Variants in DST observed in about 807,000 individuals in gnomAD.
The protein encoded by DST is dystonin, also known as bullous pemphigoid antigen.
A neutral mutation model predicts 875.2 loss-of-function variants in DST; 253 were observed. The observed-to-expected ratio is 0.29, with a 90% CI of 0.26 to 0.32. The LOEUF is 0.32. Among genes scored for constraint, DST ranks in the 10% least tolerant of loss-of-function variants. DST has a pLI of 1.00. For synonymous variants in DST, 3,124 were observed against 3,197.1 expected, an observed-to-expected ratio of 0.98 and a Z score of 0.77; for missense variants, 8,287 against 9,111.6, an observed-to-expected ratio of 0.91 and a Z score of 3.68.
chr6:56,870,318 G>A (rs1238574786), intron 3 of DST, among the ~76,000 whole-genome samples: 3 of 151,718 alleles, frequency 2.0e-5, no homozygotes, highest in Non-Finnish European at 4.4e-5. Context: ...CACAAGGGGA[G>A]GGACAATGAT....
chr6:56,851,153 C>T (rs1427064429), intron 4 of DST: 1 of 523,830 alleles, frequency 1.9e-6, no homozygotes, highest in Non-Finnish European at 3.4e-6. Flanking sequence ...TATTTCCTTG[C>T]ATTTCAAAGG....
chr6:56,609,374 A>T lies in DST; in HGVS notation c.5284-30T>A, dbSNP rs576868320. 1.6e-4 allele frequency: 241 copies of T among 1,499,944 alleles called. No homozygotes were observed. In the African/African-American group the frequency reaches 3.2e-3, roughly 20 times the overall value. 92.9% of individuals were successfully genotyped at this position (1,499,944 alleles called of 1,614,324 possible). A position where few individuals can be genotyped will look rare whatever the true frequency, so the allele number is the denominator to read the frequency against. The stretch of plus-strand genomic sequence containing the variant: ...AAGGAAAATGCAAAAATCTCAGGTC[A>T]CTCTGTTACACAAGGGTGGGCGGAG... On this transcript the variant is annotated intron_variant, in intron 39 of 103. Coordinates refer to ENST00000680361, the MANE Select transcript of DST (RefSeq NM_001374736.1).
chr6:56,482,021 G>A (rs1302495290), intron 90 of DST, 29 bp downstream of exon 90: 2 of 1,602,444 alleles, frequency 1.2e-6, no homozygotes, highest in Admixed American at 1.7e-5. Context: ...TTCTAATTTA[G>A]CTTTACATAG....
intron 35 of DST, 144 bp from the exon 36 acceptor site, chr6:56,624,772 T>C: frequency 1.5e-6 from 1 of 675,414 alleles, no homozygotes; most frequent in Admixed American, 2.3e-5. Flanking sequence ...AAGAATGAGC[T>C]TATTATTACT....
rs573264351 is a variant in DST at position 56,631,252 on chromosome 6, G to A, written c.4101C>T (p.Asn1367=). 1 of 1,613,886 alleles carries A rather than the reference G, an allele frequency of 6.2e-7. No homozygotes were observed. Among genetic ancestry groups the A allele is most frequent in the South Asian group, 1.1e-5 (1 of 91,056 alleles). Residue 1367 remains asparagine, a synonymous_variant, in exon 30 of 104, where the codon AAC becomes AAT. Transcript: ENST00000680361. ...LRSELNVVLQ[N]MNQVYSMSST... ...AAGACATAGAATAGACTTGGTTCAT[G>A]TTCTGAAGGACCACATTAAGCTCTG...
At chr6:56,854,029 A>G (rs1766628660) in intron 3 of DST, among the ~76,000 whole-genome samples, 1 of 152,190 alleles carries the variant, frequency 6.6e-6, no homozygotes, top group Non-Finnish European at 1.5e-5. Context: ...ATTTTTTCCC[A>G]CAAAAATTTT....
rs2096570326 is a variant in DST at position 56,515,469 on chromosome 6, T to C, written c.18557A>G (p.Gln6186Arg). The change falls in exon 72 of 104, where the codon CAG becomes CGG. Residue 6186 changes from glutamine to arginine, a missense_variant. Transcript: ENST00000680361. ...GCTTACCCGATGTTCTTCCTGCTGC[T>C]GCCTTAGAGTTTCATATTCAAGGGC... is the stretch of plus-strand genomic sequence containing the variant. Reference protein sequence around the residue: ...APALEYETLRQQQEEHRQLRE... With the variant: ...APALEYETLRRQQEEHRQLRE... 6.2e-7 allele frequency: 1 copy of C among 1,613,926 alleles called. No homozygotes were observed. The highest frequency in any genetic ancestry group is 8.5e-7 in the Non-Finnish European group (1 of 1,179,808).
intron 97 of DST, 52 bp downstream of exon 97, chr6:56,469,831 G>C: frequency 6.8e-7 from 1 of 1,470,352 alleles, no homozygotes; most frequent in Non-Finnish European, 9.5e-7. Context: ...ATTGTATACA[G>C]ATTTCAATTT....
intron 50 of DST, among the ~76,000 whole-genome samples, chr6:56,577,616 G>T (rs2152632554): frequency 6.6e-6 from 1 of 152,256 alleles, no homozygotes; most frequent in Non-Finnish European, 1.5e-5. Context: ...GATCTTAAAA[G>T]AGCTAAGTTC....
chr6:56,889,995 T>C (rs1297396828), intron 3 of DST, among the ~76,000 whole-genome samples: 1 of 152,212 alleles, frequency 6.6e-6, no homozygotes, highest in Non-Finnish European at 1.5e-5. Flanking sequence ...ATATCTACCA[T>C]CTATGCAGTT....
rs116183552 is a variant in DST, at chr6:56,540,662, T to C, written c.16609-3722A>G. The stretch of plus-strand genomic sequence containing the variant: ...TTCTCCAAGGTTAAAAATATGCTCA[T>C]TTTCTCTATTTCTTGGCATAATTAA... On this transcript the variant is annotated intron_variant, in intron 61 of 103. Transcript: ENST00000680361. 222 of 152,750 alleles carry C rather than the reference T, an allele frequency of 1.5e-3. 1 individual carries two copies. The highest frequency in any genetic ancestry group is 5.1e-3 in the African/African-American group (211 of 41,564). 9.5% of individuals were successfully genotyped at this position (152,750 alleles called of 1,614,324 possible).
chr6:56,574,754 A>G (rs1225178086), intron 50 of DST, among the ~76,000 whole-genome samples: 5 of 152,142 alleles, frequency 3.3e-5, no homozygotes, highest in Non-Finnish European at 7.4e-5. Context: ...ATGGTTTTTA[A>G]TGTATTCATC....
intron 2 of DST, among the ~76,000 whole-genome samples, chr6:56,939,912 C>A (rs35818840): frequency 6.6e-6 from 1 of 151,532 alleles, no homozygotes; most frequent in Non-Finnish European, 1.5e-5. Flanking sequence ...TGTAATCCCA[C>A]CTACTCAGGA....
intron 5 of DST, among the ~76,000 whole-genome samples, chr6:56,728,792 G>C (rs920983951): frequency 6.6e-6 from 1 of 152,204 alleles, no homozygotes; most frequent in Non-Finnish European, 1.5e-5. Flanking sequence ...TGATGTAAAA[G>C]ATCAACAAAC....
intron 9 of DST, among the ~76,000 whole-genome samples, chr6:56,681,292 C>G (rs1050315800): frequency 1.3e-5 from 2 of 152,156 alleles, no homozygotes; most frequent in South Asian, 4.1e-4. Context: ...TAACACAGTC[C>G]TCTGCAGCCT....
At chr6:56,500,118 A>C (rs1211781291) in intron 80 of DST, among the ~76,000 whole-genome samples, 1 of 152,154 alleles carries the variant, frequency 6.6e-6, no homozygotes, top group Non-Finnish European at 1.5e-5. Flanking sequence ...ATAGTCAAAA[A>C]CTGTACAGCA....
chr6:56,881,861 G>A (rs1316612925), intron 3 of DST, among the ~76,000 whole-genome samples: 2 of 152,074 alleles, frequency 1.3e-5, no homozygotes, highest in Admixed American at 1.3e-4. Context: ...TTTATTAAAT[G>A]GGTGGCTAAT....
rs973969862 is a variant in DST, at chr6:56,862,669, T to C, written c.418-11065A>G. ...AAGAGGGATCACACTCAGACAAGATTAGTGAGCAGTTACTGTAATGGTCCA... is the reference window on the plus strand; with the variant it reads ...AAGAGGGATCACACTCAGACAAGATCAGTGAGCAGTTACTGTAATGGTCCA... On this transcript the variant is annotated intron_variant, in intron 3 of 103. Transcript: ENST00000680361. Among the ~76,000 whole-genome samples the C allele has an allele frequency of 2.9e-4, 44 of 152,144 alleles. 2 individuals are homozygous for C. The highest frequency in any genetic ancestry group is 1.3e-4 in the Non-Finnish European group (9 of 68,028).
At position 56,721,150 on chromosome 6, in the gene DST, C is replaced by A. The variant is rs532936599; in HGVS notation, c.687+14078G>T. Reference sequence around the variant, plus strand: ...AGGGCAGCTGCTGGGCAGGGGCGGCCCCCCCCACCTCCCAGATGGGGCGGC... The same window carrying A: ...AGGGCAGCTGCTGGGCAGGGGCGGCACCCCCCACCTCCCAGATGGGGCGGC... On this transcript the variant is annotated intron_variant, in intron 5 of 103. Coordinates refer to ENST00000680361, the MANE Select transcript of DST (RefSeq NM_001374736.1). Among the ~76,000 whole-genome samples the A allele has an allele frequency of 1.3e-4, 20 of 151,206 alleles. No individual in the cohort carries two copies. The East Asian group carries it at 3.9e-3, about 30-fold the overall frequency.
Sources: allele counts gnomAD v4.1 joint callset (sites outside exome capture counted in the v4.1 genomes callset), GRCh38; gene constraint gnomAD v4.1.1; transcripts MANE v1.5; gene names NCBI Gene and HGNC (gene_info 2026-07-23, HGNC 2026-07-21).